The following NTRK2 variants were observed in gnomAD, a reference collection of about 807,000 sequenced individuals.
NTRK2 encodes BDNF/NT-3 growth factors receptor.
Under a neutral mutation model 94.5 loss-of-function variants are expected in NTRK2, and 13 were observed. The observed-to-expected ratio is 0.14, with a 90% CI of 0.09 to 0.22. The LOEUF is 0.22. Ranked by LOEUF, NTRK2 falls within the 10% of genes least tolerant of loss-of-function variation. NTRK2 has a pLI of 1.00. For synonymous variants in NTRK2, 372 were observed against 407.4 expected, an observed-to-expected ratio of 0.91 and a Z score of 1.05; for missense variants, 639 against 1,071.2, an observed-to-expected ratio of 0.60 and a Z score of 5.63.
Position 84,867,246 on chromosome 9 carries a change from C to T in NTRK2, c.1448C>T (p.Pro483Leu), listed in dbSNP as rs2132056385. 6.2e-7 allele frequency: 1 copy of T among 1,613,970 alleles called. No individual in the cohort carries two copies. Reference protein sequence around the residue: ...GKVKSRQGVGPASVISNDDDS... With the variant: ...GKVKSRQGVGLASVISNDDDS... Reference sequence around the variant, plus strand: ...ATATATATTTTTCCATCTCCAGGCCCAGCCTCCGTTATCAGCAATGATGAT... The same window carrying T: ...ATATATATTTTTCCATCTCCAGGCCTAGCCTCCGTTATCAGCAATGATGAT... Residue 483 changes from proline to leucine, a missense_variant, in exon 14 of 19, where the codon CCA becomes CTA. By Grantham distance (98) the Pro-to-Leu change is moderately conservative. This residue lies in a region of NTRK2 where 343 missense variants were observed against 571.5 expected (regional missense o/e 0.60). Coordinates refer to ENST00000277120, the MANE Select transcript of NTRK2 (RefSeq NM_006180.6).
chr9:85,022,669 A>G lies in NTRK2; in HGVS notation c.*1232A>G. ...GATTAATACCTTGTGTGCAGACACTACTGCTCCAGACGTCGTTTCCCTGAT... is the reference window on the plus strand; with the variant it reads ...GATTAATACCTTGTGTGCAGACACTGCTGCTCCAGACGTCGTTTCCCTGAT... On this transcript the variant is annotated 3_prime_UTR_variant, in exon 19 of 19. Transcript: ENST00000277120. 4.3e-6 allele frequency: 1 copy of G among 233,260 alleles called. No individual in the cohort carries two copies. Among genetic ancestry groups the G allele is most frequent in the Non-Finnish European group, 8.5e-6 (1 of 118,036 alleles). The allele number at this position is 233,260 out of a possible 1,614,324, so 14.4% of individuals were successfully genotyped here.
At chr9:84,957,633 C>G (rs1490566278) in intron 17 of NTRK2, among the ~76,000 whole-genome samples, 1 of 152,186 alleles carries the variant, frequency 6.6e-6, no homozygotes, top group Non-Finnish European at 1.5e-5. Context: ...CTCTGGTACT[C>G]TCCTGGTGGG....
intron 17 of NTRK2, among the ~76,000 whole-genome samples, chr9:84,990,982 A>G (rs529588993): frequency 6.6e-6 from 1 of 152,184 alleles, no homozygotes; most frequent in Non-Finnish European, 1.5e-5. Flanking sequence ...TTGGCCCGGC[A>G]TCTTTCCCTG....
chr9:84,804,030 G>A (rs1390919932), intron 12 of NTRK2, among the ~76,000 whole-genome samples: 4 of 152,052 alleles, frequency 2.6e-5, no homozygotes, highest in East Asian at 1.9e-4. Flanking sequence ...ATCTTAACAC[G>A]AATCCTAAAT....
intron 14 of NTRK2, chr9:84,878,017 G>T: frequency 1.1e-6 from 1 of 902,082 alleles, no homozygotes; most frequent in Non-Finnish European, 1.3e-6. Context: ...GAAGTTGTCC[G>T]CATTGGTTCC....
At chr9:84,918,459 A>G (rs966009416) in intron 14 of NTRK2, among the ~76,000 whole-genome samples, 1 of 152,212 alleles carries the variant, frequency 6.6e-6, no homozygotes, top group South Asian at 2.1e-4. Flanking sequence ...AGGGATTCAC[A>G]TACCATGACT....
At chr9:85,012,817 G>A (rs868437716) in intron 17 of NTRK2, among the ~76,000 whole-genome samples, 77 of 152,210 alleles carry the variant, frequency 5.1e-4, no homozygotes, top group African/African-American at 1.5e-3. Flanking sequence ...TCTGTGACCC[G>A]TCCCTTCAAA....
At chr9:84,933,364 A>G (rs1364551906) in intron 14 of NTRK2, among the ~76,000 whole-genome samples, 1 of 152,116 alleles carries the variant, frequency 6.6e-6, no homozygotes, top group East Asian at 1.9e-4. Flanking sequence ...CTTGCAGCCA[A>G]TGAGCTTCTG....
Position 84,752,075 on chromosome 9 carries a change from T to C in NTRK2, c.1386T>C (p.Phe462=). Residue 462 remains phenylalanine, a synonymous_variant, in exon 12 of 19, where the codon TTT becomes TTC. Transcript: ENST00000277120. ...FLLKLARHSK[F]GMKDFSWFGF... ...TTAAGTTGGCAAGACACTCCAAGTT[T>C]GGCATGAAAGGTAAGAAGGGTTGTG... 1.9e-6 allele frequency: 3 copies of C among 1,613,890 alleles called. No homozygotes were observed. Among genetic ancestry groups the C allele is most frequent in the Non-Finnish European group, 1.7e-6 (2 of 1,179,802 alleles).
chr9:85,009,632 G>A (rs928781904), intron 17 of NTRK2, among the ~76,000 whole-genome samples: 4 of 152,180 alleles, frequency 2.6e-5, no homozygotes, highest in African/African-American at 9.7e-5. Context: ...GGCACACAAA[G>A]TACATGCTCA....
intron 7 of NTRK2, among the ~76,000 whole-genome samples, chr9:84,724,019 A>T (rs2062262224): frequency 6.6e-6 from 1 of 152,204 alleles, no homozygotes; most frequent in African/African-American, 2.4e-5. Context: ...TCAGGGATCA[A>T]GTCAACCTCA....
chr9:84,972,075 TA>T (rs952636934), intron 17 of NTRK2, among the ~76,000 whole-genome samples: 1 of 152,100 alleles, frequency 6.6e-6, no homozygotes, highest in African/African-American at 2.4e-5. Flanking sequence ...AAAACATTCA[TA>T]GGGGGGTATC....
chr9:85,015,261 G>C (rs1367924778), intron 17 of NTRK2, among the ~76,000 whole-genome samples: 3 of 152,084 alleles, frequency 2.0e-5, no homozygotes, highest in Non-Finnish European at 4.4e-5. Flanking sequence ...CCTGTCTACT[G>C]TACAGGTGGC....
intron 9 of NTRK2, among the ~76,000 whole-genome samples, chr9:84,739,876 A>G (rs1424884054): frequency 1.3e-5 from 2 of 152,238 alleles, no homozygotes; most frequent in African/African-American, 2.4e-5. Flanking sequence ...GAAGACCCAC[A>G]TACTTATATC....
intron 12 of NTRK2, among the ~76,000 whole-genome samples, chr9:84,806,658 T>C (rs1698346643): frequency 6.6e-6 from 1 of 152,206 alleles, no homozygotes; most frequent in African/African-American, 2.4e-5. Flanking sequence ...GCCAGTTATC[T>C]ATAAAATAGA....
intron 12 of NTRK2, among the ~76,000 whole-genome samples, chr9:84,781,825 C>T (rs566181447): frequency 1.3e-5 from 2 of 152,250 alleles, no homozygotes; most frequent in East Asian, 3.9e-4. Context: ...AAACATTCAA[C>T]AAGGAACTAA....
chr9:84,761,162 G>T (rs1163561192), intron 12 of NTRK2, among the ~76,000 whole-genome samples: 3 of 152,158 alleles, frequency 2.0e-5, no homozygotes, highest in Non-Finnish European at 4.4e-5. Context: ...ATGAGAGAGA[G>T]AATGAGCCAG....
At chr9:84,802,130 T>C (rs2070538803) in intron 12 of NTRK2, among the ~76,000 whole-genome samples, 1 of 152,224 alleles carries the variant, frequency 6.6e-6, no homozygotes, top group African/African-American at 2.4e-5. Flanking sequence ...ATGTCAGATG[T>C]TTTGGGTACA....
chr9:84,679,928 G>A (rs779061033), intron 2 of NTRK2, among the ~76,000 whole-genome samples: 64 of 152,098 alleles, frequency 4.2e-4, no homozygotes, highest in African/African-American at 1.5e-3. Flanking sequence ...TTTTTCCCTG[G>A]GAGTAGTGTT....
Sources: gnomAD v4.1 joint callset for allele counts (sites outside exome capture counted in the v4.1 genomes callset) on GRCh38, gnomAD v4.1.1 for gene constraint, gnomAD v4.1.1 regional missense constraint, MANE v1.5 for transcripts, NCBI Gene and HGNC (gene_info 2026-07-23, HGNC 2026-07-21) for gene names.